Variants in UGGT2 observed in about 807,000 individuals in gnomAD.
UGGT2 encodes UDP-glucose glycoprotein glucosyltransferase 2.
In UGGT2, 180 loss-of-function variants were observed where a neutral mutation model predicts 192.1. That is an observed-to-expected ratio of 0.94 (90% CI 0.83 to 1.06). The LOEUF (loss-of-function observed/expected upper bound fraction) is 1.06, where lower values mean the gene tolerates loss of function less well. Among genes scored for constraint, UGGT2 ranks in the 50% least tolerant of loss-of-function variants. The probability of loss-of-function intolerance (pLI) is 0.00; values close to 1 mark genes in which losing one functional copy is unlikely to be tolerated. For missense variants in UGGT2, 1,849 were observed against 1,795.7 expected (o/e 1.03, Z -0.54); for synonymous variants, 580 against 591.0 (o/e 0.98, Z 0.27).
chr13:95,872,421 A>G (rs1199971792), intron 29 of UGGT2, among the ~76,000 whole-genome samples: 1 of 152,236 alleles, frequency 6.6e-6, no homozygotes, highest in Non-Finnish European at 1.5e-5. Context: ...ATTTTAGCTT[A>G]GATTTTTAGC....
chr13:95,956,951 T>A (rs1297315997), intron 12 of UGGT2, among the ~76,000 whole-genome samples: 1 of 152,196 alleles, frequency 6.6e-6, no homozygotes, highest in Non-Finnish European at 1.5e-5. Context: ...GATGAATGGA[T>A]AAACAAACTG....
intron 26 of UGGT2, chr13:95,887,389 C>A: frequency 2.1e-6 from 1 of 466,288 alleles, no homozygotes; most frequent in African/African-American, 2.0e-5. Flanking sequence ...ATATTTTTGT[C>A]CCCTCTTGAG....
chr13:95,907,007 C>A (rs903937264), intron 20 of UGGT2, among the ~76,000 whole-genome samples: 1 of 152,188 alleles, frequency 6.6e-6, no homozygotes, highest in Non-Finnish European at 1.5e-5. Flanking sequence ...CTTTCCTAGC[C>A]AAGGGAAGGT....
chr13:96,047,436 C>A (rs1015512424), intron 1 of UGGT2, among the ~76,000 whole-genome samples: 2 of 152,170 alleles, frequency 1.3e-5, no homozygotes, highest in Non-Finnish European at 2.9e-5. Context: ...AACTAACAAA[C>A]AGAAAGGACA....
intron 17 of UGGT2, among the ~76,000 whole-genome samples, chr13:95,931,843 G>A (rs995620831): frequency 6.6e-6 from 1 of 152,130 alleles, no homozygotes; most frequent in Non-Finnish European, 1.5e-5. Context: ...CGCAAGCAGA[G>A]GGAGCCGGCT....
In UGGT2 at chr13:95,903,041, CGACT is replaced by C. The variant is rs2048157750; in HGVS notation, c.2311_2314del (p.Ser771GlyfsTer12). Reference sequence around the variant, plus strand: ...TGTAGGATTATAAATAATCCCCAACCGACTATGAACACTTGTTTTCTGCAAACAT... The same window carrying C: ...TGTAGGATTATAAATAATCCCCAACCATGAACACTTGTTTTCTGCAAACAT... On this transcript the variant is annotated frameshift_variant, in exon 21 of 39. Transcript: ENST00000376747. LOFTEE classifies it high-confidence loss of function. 2 of 1,610,956 alleles carry C rather than the reference CGACT, an allele frequency of 1.2e-6. No individual in the cohort carries two copies. The highest frequency in any genetic ancestry group is 2.7e-5 in the African/African-American group (2 of 74,726).
chr13:95,965,411 T>A (rs1384675937), intron 12 of UGGT2, among the ~76,000 whole-genome samples: 51 of 151,726 alleles, frequency 3.4e-4, no homozygotes, highest in African/African-American at 1.2e-3. Flanking sequence ...CTATGCAGCC[T>A]TAAAAAATGA....
At chr13:96,016,316 C>G (rs2052336308) in intron 4 of UGGT2, among the ~76,000 whole-genome samples, 1 of 152,158 alleles carries the variant, frequency 6.6e-6, no homozygotes. Flanking sequence ...AAAAGGGAGC[C>G]AGGAGCTGAC....
chr13:95,988,341 A>G (rs1215577737), intron 8 of UGGT2, among the ~76,000 whole-genome samples: 5 of 152,156 alleles, frequency 3.3e-5, no homozygotes, highest in African/African-American at 1.2e-4. Context: ...CAAGGCCAAA[A>G]TCAGATTTTC....
At chr13:95,906,075 T>G (rs978648895) in intron 20 of UGGT2, among the ~76,000 whole-genome samples, 1 of 152,216 alleles carries the variant, frequency 6.6e-6, no homozygotes, top group African/African-American at 2.4e-5. Context: ...TTATCAAAGA[T>G]CTTGATATCC....
At chr13:95,813,812 C>T (rs1359200590) in intron 38 of UGGT2, among the ~76,000 whole-genome samples, 3 of 152,182 alleles carry the variant, frequency 2.0e-5, no homozygotes, top group Non-Finnish European at 4.4e-5. Flanking sequence ...ATGGTCCAGG[C>T]CCAGGGTCCT....
chr13:95,904,649 A>T (rs371206297), intron 20 of UGGT2, among the ~76,000 whole-genome samples: 3 of 152,006 alleles, frequency 2.0e-5, no homozygotes, highest in Admixed American at 6.6e-5. Flanking sequence ...GGCTGCATAG[A>T]ATTCCATGGT....
At position 95,986,382 on chromosome 13, in the gene UGGT2, A is replaced by T. The variant is rs816142; in HGVS notation, c.982T>A (p.Ser328Thr). 5.1e-5 allele frequency: 81 copies of T among 1,601,948 alleles called. No homozygotes were observed. Among genetic ancestry groups the T allele is most frequent in the Admixed American group, 1.5e-4 (9 of 58,946 alleles). The change falls in exon 9 of 39, where the codon TCC becomes ACC. Residue 328 changes from serine to threonine, a missense_variant. Coordinates refer to ENST00000376747, the MANE Select transcript of UGGT2 (RefSeq NM_020121.4). ...SQIMSAPVYDSIKLMKDISQN... is the reference protein window; with the variant it reads ...SQIMSAPVYDTIKLMKDISQN... ...GAAATGTCTTTCATTAATTTAATGG[A>T]ATCATAAACTGGAGCGGACATTATT...
chr13:95,902,649 A>G (rs1030173673), intron 21 of UGGT2, among the ~76,000 whole-genome samples: 1 of 152,032 alleles, frequency 6.6e-6, no homozygotes, highest in Non-Finnish European at 1.5e-5. Flanking sequence ...GAAGTAGTTA[A>G]TGAAACATAT....
At chr13:95,940,467 T>C (rs1018285360) in intron 15 of UGGT2, among the ~76,000 whole-genome samples, 19 of 149,006 alleles carry the variant, frequency 1.3e-4, no homozygotes, top group African/African-American at 3.4e-4. Context: ...TTTTTTTTTT[T>C]TTTTTTGAGA....
At chr13:95,809,339 T>C (rs1276746457) in intron 38 of UGGT2, 4 of 468,818 alleles carry the variant, frequency 8.5e-6, no homozygotes, top group East Asian at 6.2e-5. Context: ...TCTAGCTTCA[T>C]TGGAGGCTGA....
intron 9 of UGGT2, among the ~76,000 whole-genome samples, chr13:95,985,607 G>A (rs1386931325): frequency 6.6e-6 from 1 of 151,996 alleles, no homozygotes; most frequent in African/African-American, 2.4e-5. Flanking sequence ...CATGCACTGC[G>A]ACTTGTCACA....
chr13:95,890,308 G>A (rs1476316873), intron 25 of UGGT2, among the ~76,000 whole-genome samples: 1 of 152,110 alleles, frequency 6.6e-6, no homozygotes, highest in Non-Finnish European at 1.5e-5. Flanking sequence ...CACCACAGAT[G>A]GAGTGGTTTA....
At chr13:95,975,072 C>T (rs564604738) in intron 10 of UGGT2, among the ~76,000 whole-genome samples, 1 of 152,076 alleles carries the variant, frequency 6.6e-6, no homozygotes, top group African/African-American at 2.4e-5. Context: ...TAGAGCGATA[C>T]TCTGTCTCAA....
Sources: allele counts gnomAD v4.1 joint callset (sites outside exome capture counted in the v4.1 genomes callset), GRCh38; gene constraint gnomAD v4.1.1; transcripts MANE v1.5; gene names NCBI Gene and HGNC (gene_info 2026-07-23, HGNC 2026-07-21).